HSD17B11: variants seen among roughly 807,000 people sequenced by gnomAD.
The protein encoded by HSD17B11 is estradiol 17-beta-dehydrogenase 11.
HSD17B11 carries 22 observed loss-of-function variants against 27.8 expected under a neutral mutation model. That is an observed-to-expected ratio of 0.79 (90% CI 0.56 to 1.13). The LOEUF (loss-of-function observed/expected upper bound fraction) is 1.13. Ranked by LOEUF, HSD17B11 falls within the 50% of genes most tolerant of loss-of-function variation. The pLI, the probability that HSD17B11 is intolerant of heterozygous loss-of-function variation, is 0.00. For missense variants in HSD17B11, 314 were observed against 351.1 expected, an observed-to-expected ratio of 0.89 and a Z score of 0.84; for synonymous variants, 117 against 132.8, an observed-to-expected ratio of 0.88 and a Z score of 0.82.
chr4:87,384,189 T>C (rs1015886612), intron 1 of HSD17B11, among the ~76,000 whole-genome samples: 7 of 152,248 alleles, frequency 4.6e-5, no homozygotes, highest in African/African-American at 1.7e-4. Context: ...TTCATTTTAA[T>C]ATGGACATTT....
At chr4:87,371,106 C>A (rs903267100) in intron 4 of HSD17B11, among the ~76,000 whole-genome samples, 3 of 152,114 alleles carry the variant, frequency 2.0e-5, no homozygotes, top group Admixed American at 1.3e-4. Flanking sequence ...AGTAGAGTAA[C>A]TTGCCTAAGG....
intron 1 of HSD17B11, among the ~76,000 whole-genome samples, chr4:87,385,458 A>C (rs888754760): frequency 1.3e-5 from 2 of 152,112 alleles, no homozygotes; most frequent in Non-Finnish European, 2.9e-5. Context: ...TTTAATGGGT[A>C]CAGATTTTCA....
At position 87,337,194 on chromosome 4, in the gene HSD17B11, A is replaced by G. The variant is rs111964422; in HGVS notation, c.*82T>C. 1.2e-6 allele frequency: 1 copy of G among 859,394 alleles called. No homozygotes were observed. Among genetic ancestry groups the G allele is most frequent in the African/African-American group, 1.7e-5 (1 of 58,978 alleles). 53.2% of individuals were successfully genotyped at this position (859,394 alleles called of 1,614,324 possible). ...AGAAATGGGGATAATTAGAAAAAAC[A>G]GAAGTTCAAACATTAAAATTCTGGC... On this transcript the variant is annotated 3_prime_UTR_variant, in exon 7 of 7. Coordinates refer to ENST00000358290, the MANE Select transcript of HSD17B11 (RefSeq NM_016245.5).
At chr4:87,354,204 CTTAAA>C (rs901272037) in intron 5 of HSD17B11, among the ~76,000 whole-genome samples, 1 of 152,052 alleles carries the variant, frequency 6.6e-6, no homozygotes, top group Non-Finnish European at 1.5e-5. Context: ...TGTGGGATGA[CTTAAA>C]TTAAGTGTGT....
intron 4 of HSD17B11, among the ~76,000 whole-genome samples, chr4:87,369,205 G>A (rs1269762003): frequency 6.6e-6 from 1 of 152,118 alleles, no homozygotes; most frequent in East Asian, 1.9e-4. Context: ...GAAAGTCAGA[G>A]TTAATGATCT....
In HSD17B11 at chr4:87,347,116, CTTTTTTTTTTTT is replaced by C. The variant is rs70957224; in HGVS notation, c.696-6522_696-6511del. On this transcript the variant is annotated intron_variant, in intron 5 of 6. Coordinates refer to ENST00000358290, the MANE Select transcript of HSD17B11 (RefSeq NM_016245.5). ...TTAGTATTCTGGATTTTTTTTTTTT[CTTTTTTTTTTTT>C]TTTTTTTTATTATACTCTAAGTTTT... is the stretch of plus-strand genomic sequence containing the variant. Among the ~76,000 whole-genome samples, 3 of 44,290 alleles carry C rather than the reference CTTTTTTTTTTTT, an allele frequency of 6.8e-5. No individual in the cohort carries two copies. The East Asian group carries it at 2.0e-3, about 30-fold the overall frequency. The allele number at this position is 44,290 out of a possible 152,430, so 29.1% of individuals were successfully genotyped here.
In HSD17B11 at chr4:87,388,621, C is replaced by T. The variant is rs1720378434; in HGVS notation, c.210+2240G>A. Among the ~76,000 whole-genome samples the T allele has an allele frequency of 2.0e-5, 3 of 152,204 alleles. No individual in the cohort carries two copies. In the South Asian group the frequency reaches 6.2e-4, roughly 31 times the overall value. On this transcript the variant is annotated intron_variant, in intron 1 of 6. Transcript: ENST00000358290. ...CTCCCCACCATATAGAGTCTTTTAT[C>T]TACTTTCACCTTTTATTTTTTTCTT... is the stretch of plus-strand genomic sequence containing the variant.
intron 4 of HSD17B11, among the ~76,000 whole-genome samples, chr4:87,370,583 T>G (rs1288618435): frequency 6.7e-6 from 1 of 149,994 alleles, no homozygotes; most frequent in Non-Finnish European, 1.5e-5. Flanking sequence ...CCCAGCTAAT[T>G]TTTTTTGTAT....
intron 5 of HSD17B11, among the ~76,000 whole-genome samples, chr4:87,345,950 C>T (rs1735263964): frequency 6.6e-6 from 1 of 152,028 alleles, no homozygotes; most frequent in African/African-American, 2.4e-5. Flanking sequence ...TCTCTGAGTC[C>T]CGAATTACCC....
At position 87,346,636 on chromosome 4, in the gene HSD17B11, C is replaced by T. The variant is rs759076490; in HGVS notation, c.696-6030G>A. ...CTGCACTCTAGCCTGGGCGACAGAG[C>T]GAGACCCTGTCTCAAACATAAATAA... On this transcript the variant is annotated intron_variant, in intron 5 of 6. Coordinates refer to ENST00000358290, the MANE Select transcript of HSD17B11 (RefSeq NM_016245.5). 3.3e-5 allele frequency among the ~76,000 whole-genome samples: 5 copies of T among 152,180 alleles called. No homozygotes were observed. In the South Asian group the frequency reaches 6.2e-4, roughly 19 times the overall value.
intron 4 of HSD17B11, chr4:87,366,015 C>T (rs57154655): frequency 0.12 from 18,054 of 152,072 alleles, 1,220 homozygotes; most frequent in East Asian, 0.31. Flanking sequence ...TGCCACCATG[C>T]CTGGCTAATT....
intron 4 of HSD17B11, among the ~76,000 whole-genome samples, chr4:87,368,036 G>A (rs1007974331): frequency 1.3e-5 from 2 of 152,074 alleles, no homozygotes; most frequent in Admixed American, 6.6e-5. Context: ...CTCAAGAGTC[G>A]GCTAGGCACG....
intron 2 of HSD17B11, among the ~76,000 whole-genome samples, chr4:87,380,489 G>A (rs947428125): frequency 2.4e-4 from 29 of 119,274 alleles, no homozygotes; most frequent in Middle Eastern, 5.2e-3. Context: ...AAAAAAAAAA[G>A]AAAAAAGAAA....
Position 87,340,587 on chromosome 4 carries a change from G to C in HSD17B11, c.715C>G (p.Pro239Ala). 1 of 1,611,780 alleles carries C rather than the reference G, an allele frequency of 6.2e-7. No homozygotes were observed. Among genetic ancestry groups the C allele is most frequent in the South Asian group, 1.1e-5 (1 of 90,664 alleles). ...PSTSLGPTLEPEEVVNRLMHG... is the reference protein window; with the variant it reads ...PSTSLGPTLEAEEVVNRLMHG... ...ATCAGCCTGTTTACCACTTCCTCAG[G>C]TTCCAGAGTGGGTCCCAAACTGAAA... The change falls in exon 6 of 7, where the codon CCT becomes GCT. Residue 239 changes from proline to alanine, a missense_variant. Transcript: ENST00000358290.
chr4:87,345,717 C>T (rs1169296596), intron 5 of HSD17B11, among the ~76,000 whole-genome samples: 11 of 152,022 alleles, frequency 7.2e-5, no homozygotes, highest in Non-Finnish European at 1.6e-4. Context: ...ATGAAATATA[C>T]AAACTCTCAG....
chr4:87,378,413 A>G (rs1385378283), intron 2 of HSD17B11, among the ~76,000 whole-genome samples: 1 of 152,144 alleles, frequency 6.6e-6, no homozygotes, highest in East Asian at 1.9e-4. Context: ...ACAGGCATGC[A>G]GTGCATAATT....
chr4:87,360,352 G>A (rs777148276), intron 4 of HSD17B11, among the ~76,000 whole-genome samples: 38 of 152,190 alleles, frequency 2.5e-4, no homozygotes, highest in Non-Finnish European at 5.0e-4. Flanking sequence ...AGTATGCCAC[G>A]CTCTCAGATC....
chr4:87,369,835 G>A (rs1735676505), intron 4 of HSD17B11, among the ~76,000 whole-genome samples: 2 of 152,046 alleles, frequency 1.3e-5, no homozygotes, highest in South Asian at 2.1e-4. Context: ...CTTATAAATT[G>A]GCTATTTGGG....
chr4:87,374,665 A>G (rs1560767331), intron 3 of HSD17B11, 34 bp downstream of exon 3: 1 of 1,579,632 alleles, frequency 6.3e-7, no homozygotes, highest in South Asian at 1.2e-5. Context: ...GGGATTTTCA[A>G]AAGGAACATT....
Sources: gnomAD v4.1 joint callset for allele counts (sites outside exome capture counted in the v4.1 genomes callset) on GRCh38, gnomAD v4.1.1 for gene constraint, MANE v1.5 for transcripts, NCBI Gene and HGNC (gene_info 2026-07-23, HGNC 2026-07-21) for gene names.